The following FSTL4 variants were observed in gnomAD, a reference collection of about 807,000 sequenced individuals.
FSTL4 encodes the protein follistatin-related protein 4.
Under a neutral mutation model 78.2 loss-of-function variants are expected in FSTL4, and 28 were observed. That is an observed-to-expected ratio of 0.36 (90% CI 0.27 to 0.49). FSTL4 has a LOEUF of 0.49. Ranked by LOEUF, FSTL4 falls within the 20% of genes least tolerant of loss-of-function variation. FSTL4 has a pLI of 0.98. For missense variants in FSTL4, 922 were observed against 1,084.9 expected, an observed-to-expected ratio of 0.85 and a Z score of 2.11; for synonymous variants, 422 against 440.5, an observed-to-expected ratio of 0.96 and a Z score of 0.53.
At chr5:133,500,954 A>AAG (rs1395498858) in intron 3 of FSTL4, among the ~76,000 whole-genome samples, 1 of 152,120 alleles carries the variant, frequency 6.6e-6, no homozygotes, top group Non-Finnish European at 1.5e-5. Flanking sequence ...ATGAAAAAAA[A>AAG]AAAAGTCATC....
intron 7 of FSTL4, among the ~76,000 whole-genome samples, chr5:133,238,741 C>T (rs1234688889): frequency 6.6e-6 from 1 of 152,270 alleles, no homozygotes; most frequent in African/African-American, 2.4e-5. Context: ...CATACTGGCT[C>T]CCTAGTGCTG....
intron 3 of FSTL4, among the ~76,000 whole-genome samples, chr5:133,465,317 C>A (rs1445482285): frequency 6.6e-6 from 1 of 152,188 alleles, no homozygotes; most frequent in South Asian, 2.1e-4. Flanking sequence ...TCTTTCCTAC[C>A]TGATTTAACC....
the FSTL4 span, among the ~76,000 whole-genome samples, chr5:133,703,213 G>A: frequency 5.3e-5 from 8 of 152,322 alleles, no homozygotes; most frequent in Non-Finnish European, 1.2e-4. Flanking sequence ...TTATGGCTGC[G>A]AGAGAATTCA....
intron 3 of FSTL4, among the ~76,000 whole-genome samples, chr5:133,546,688 C>T (rs184062855): frequency 2.0e-5 from 3 of 152,060 alleles, no homozygotes; most frequent in Non-Finnish European, 4.4e-5. Flanking sequence ...CATCATACAC[C>T]CACAGGCATA....
chr5:133,651,045 G>A, the FSTL4 span, among the ~76,000 whole-genome samples: 1 of 152,074 alleles, frequency 6.6e-6, no homozygotes, highest in Non-Finnish European at 1.5e-5. Flanking sequence ...ACATGTTGCT[G>A]GCATACAGAA....
intron 3 of FSTL4, among the ~76,000 whole-genome samples, chr5:133,494,633 G>C (rs1758333955): frequency 6.6e-6 from 1 of 152,212 alleles, no homozygotes; most frequent in African/African-American, 2.4e-5. Context: ...CCTATCATAG[G>C]TTTTGATCAA....
intron 3 of FSTL4, among the ~76,000 whole-genome samples, chr5:133,538,226 C>G (rs2112915769): frequency 6.6e-6 from 1 of 152,178 alleles, no homozygotes; most frequent in East Asian, 1.9e-4. Context: ...CTTTCTGTCT[C>G]TTGACCTTAA....
chr5:133,574,765 C>T (rs771565999), intron 2 of FSTL4: 1 of 152,226 alleles, frequency 6.6e-6, no homozygotes, highest in Non-Finnish European at 1.5e-5. Context: ...AACTCTGCAA[C>T]ATGTGATAAT....
intron 4 of FSTL4, among the ~76,000 whole-genome samples, chr5:133,381,645 CT>C (rs1418744149): frequency 2.6e-5 from 4 of 152,196 alleles, no homozygotes; most frequent in African/African-American, 4.8e-5. Flanking sequence ...CACGATCATT[CT>C]TTCAACTGCA....
At chr5:133,546,391 A>T (rs1272215809) in intron 3 of FSTL4, among the ~76,000 whole-genome samples, 1 of 151,726 alleles carries the variant, frequency 6.6e-6, no homozygotes, top group East Asian at 1.9e-4. Flanking sequence ...CTGTAATCCC[A>T]GCTACTTGAG....
At chr5:133,240,021 A>C (rs1281212249) in intron 7 of FSTL4, among the ~76,000 whole-genome samples, 1 of 152,180 alleles carries the variant, frequency 6.6e-6, no homozygotes, top group Non-Finnish European at 1.5e-5. Flanking sequence ...CACGCAGTGG[A>C]AGCTTTGTTC....
intron 6 of FSTL4, chr5:133,275,792 C>T (rs957100937): frequency 3.9e-5 from 6 of 152,144 alleles, no homozygotes; most frequent in Non-Finnish European, 7.3e-5. Flanking sequence ...ATGAAGGTTT[C>T]GAAGTGGTCT....
chr5:133,574,270 A>G (rs1055895742), intron 2 of FSTL4, among the ~76,000 whole-genome samples: 5 of 152,238 alleles, frequency 3.3e-5, no homozygotes, highest in African/African-American at 1.2e-4. Context: ...ACTGCTATAA[A>G]CCACATATAA....
chr5:133,549,273 T>C (rs1359864188), intron 3 of FSTL4, among the ~76,000 whole-genome samples: 1 of 152,182 alleles, frequency 6.6e-6, no homozygotes, highest in African/African-American at 2.4e-5. Flanking sequence ...CTTGATAGCT[T>C]TGTCTCCTCC....
At chr5:133,654,813 C>T in the FSTL4 span, among the ~76,000 whole-genome samples, 1 of 152,192 alleles carries the variant, frequency 6.6e-6, no homozygotes, top group African/African-American at 2.4e-5. Flanking sequence ...AGTTCAGGTC[C>T]TTCCCAGAGG....
At chr5:133,346,084 C>A (rs1754692733) in intron 4 of FSTL4, among the ~76,000 whole-genome samples, 1 of 152,178 alleles carries the variant, frequency 6.6e-6, no homozygotes, top group Non-Finnish European at 1.5e-5. Context: ...GAGTTCATGT[C>A]CTTTGCAGGG....
chr5:133,563,535 G>A (rs1392982009), intron 3 of FSTL4, among the ~76,000 whole-genome samples: 2 of 152,330 alleles, frequency 1.3e-5, no homozygotes, highest in East Asian at 1.9e-4. Context: ...GGTAAAGAAC[G>A]TGAACATTCT....
chr5:133,225,923 G>C lies in FSTL4; in HGVS notation c.1016-104C>G. 1 of 777,026 alleles carries C rather than the reference G, an allele frequency of 1.3e-6. No homozygotes were observed. Among genetic ancestry groups the C allele is most frequent in the Non-Finnish European group, 2.0e-6 (1 of 511,444 alleles). The allele number at this position is 777,026 out of a possible 1,614,324, so 48.1% of individuals were successfully genotyped here. A position where few individuals can be genotyped will look rare whatever the true frequency, so the allele number is the denominator to read the frequency against. ...GCTCCAGAGGGGGTGAACCCAAGTA[G>C]GTGACTGGAGTTCTGTGTTTAACCA... On this transcript the variant is annotated intron_variant, in intron 8 of 15. Coordinates refer to ENST00000265342, the MANE Select transcript of FSTL4 (RefSeq NM_015082.2). This position sits in a 1 kb window ranked among gnomAD's most constrained non-coding sequence, Gnocchi z 4.6.
chr5:133,669,415 C>A, the FSTL4 span, among the ~76,000 whole-genome samples: 3 of 152,224 alleles, frequency 2.0e-5, no homozygotes, highest in Admixed American at 2.0e-4. Context: ...CTCAGGAGGG[C>A]AACATGCTCT....
Sources: gnomAD v4.1 joint callset for allele counts (sites outside exome capture counted in the v4.1 genomes callset) on GRCh38, gnomAD v4.1.1 for gene constraint, Gnocchi (gnomAD v3.1) non-coding constraint, MANE v1.5 for transcripts, NCBI Gene and HGNC (gene_info 2026-07-23, HGNC 2026-07-21) for gene names.